COLGALT1: variants seen among roughly 807,000 people sequenced by gnomAD.
COLGALT1 encodes collagen beta(1-O)galactosyltransferase 1.
In COLGALT1, 43 loss-of-function variants were observed where a neutral mutation model predicts 60.8. The ratio of observed to expected loss-of-function variants is 0.71; its 90% CI spans 0.55 to 0.91. The LOEUF (loss-of-function observed/expected upper bound fraction) is 0.91, where lower values mean the gene tolerates loss of function less well. Among genes scored for constraint, COLGALT1 ranks in the 40% least tolerant of loss-of-function variants. The pLI is 0.00. For synonymous variants in COLGALT1, 369 were observed against 374.2 expected (o/e 0.99, Z 0.16); for missense variants, 845 against 880.0 (o/e 0.96, Z 0.50).
intron 9 of COLGALT1, among the ~76,000 whole-genome samples, chr19:17,578,933 C>G (rs4808670): frequency 0.48 from 72,270 of 151,872 alleles, 18,383 homozygotes; most frequent in Middle Eastern, 0.59. Flanking sequence ...TCACTTGAAC[C>G]CAGGAGGCAG....
At chr19:17,571,700 A>G (rs2076313555) in intron 5 of COLGALT1, among the ~76,000 whole-genome samples, 1 of 152,040 alleles carries the variant, frequency 6.6e-6, no homozygotes, top group Non-Finnish European at 1.5e-5. Context: ...CCTGGGCGAC[A>G]GAACGAGACT....
chr19:17,577,475 C>T lies in COLGALT1; in HGVS notation c.1133+8C>T, dbSNP rs557992834. 32 of 180,984 alleles carry T rather than the reference C, an allele frequency of 1.8e-4. No homozygotes were observed. In the South Asian group the frequency reaches 5.1e-3, roughly 29 times the overall value. 11.2% of individuals were successfully genotyped at this position (180,984 alleles called of 1,614,324 possible). A position where few individuals can be genotyped will look rare whatever the true frequency, so the allele number is the denominator to read the frequency against. On this transcript the variant is annotated splice_region_variant and intron_variant, in intron 8 of 11. Transcript: ENST00000252599. ...GGAGGCCGTGGACGGCAAGTGAGTCCGAGGCCTGGGGGTGGGGGGGCGGGT... is the reference window on the plus strand; with the variant it reads ...GGAGGCCGTGGACGGCAAGTGAGTCTGAGGCCTGGGGGTGGGGGGGCGGGT...
chr19:17,568,741 A>AG, intron 5 of COLGALT1, 28 bp downstream of exon 5: 1 of 1,610,178 alleles, frequency 6.2e-7, no homozygotes, highest in Non-Finnish European at 8.5e-7. Flanking sequence ...CTGCCATCGC[A>AG]GGGGCATCTG....
chr19:17,560,799 A>T (rs4808088), intron 3 of COLGALT1, among the ~76,000 whole-genome samples: 2 of 151,576 alleles, frequency 1.3e-5, no homozygotes, highest in African/African-American at 4.8e-5. Context: ...GTGCCGCAAT[A>T]TCGGCTCACT....
intron 1 of COLGALT1, among the ~76,000 whole-genome samples, chr19:17,557,382 A>G (rs1205129527): frequency 6.6e-6 from 1 of 151,858 alleles, no homozygotes; most frequent in Non-Finnish European, 1.5e-5. Context: ...GCTCATTGCA[A>G]CCTCCGCCTC....
Position 17,581,405 on chromosome 19 carries a change from C to G in COLGALT1, c.1830C>G (p.Leu610=), listed in dbSNP as rs750701394. The change falls in exon 12 of 12, where the codon CTC becomes CTG. Residue 610 remains leucine, a synonymous_variant. Coordinates refer to ENST00000252599, the MANE Select transcript of COLGALT1 (RefSeq NM_024656.4). ...GTGAGGCCAAGAACTCGGACGTGCT[C>G]CAGTCCCCACTGGACAGTGCTGCCC... ...LSREAKNSDV[L]QSPLDSAARD... is the part of the protein sequence containing the mutation. The G allele has an allele frequency of 1.9e-6, 3 of 1,611,632 alleles. No individual in the cohort carries two copies. The highest frequency in any genetic ancestry group is 1.6e-4 in the Middle Eastern group (1 of 6,062).
chr19:17,561,061 C>T lies in COLGALT1; in HGVS notation c.489+596C>T, dbSNP rs191105883. 3.7e-3 allele frequency among the ~76,000 whole-genome samples: 555 copies of T among 150,634 alleles called. 2 individuals carry two copies. Among genetic ancestry groups the T allele is most frequent in the Middle Eastern group, 0.01 (3 of 292 alleles). ...CTCTACTAAAAATACAAAAATTAGC[C>T]GGGCGTGGTGGCAGGTGCCTGTAAT... On this transcript the variant is annotated intron_variant, in intron 3 of 11. Coordinates refer to ENST00000252599, the MANE Select transcript of COLGALT1 (RefSeq NM_024656.4).
chr19:17,568,696 TCTC>T lies in COLGALT1; in HGVS notation c.815_817del (p.Ser272del). ...TTTGACGACATCATCGTCTTTGCCT[TCTC>T]CTGCAAGCAGGCAGGTACGTACATG... is the stretch of plus-strand genomic sequence containing the variant. On this transcript the variant is annotated inframe_deletion, in exon 5 of 12. Transcript: ENST00000252599. 1.2e-6 allele frequency: 2 copies of T among 1,614,108 alleles called. No individual in the cohort carries two copies. The highest frequency in any genetic ancestry group is 1.7e-6 in the Non-Finnish European group (2 of 1,180,004).
intron 11 of COLGALT1, 106 bp from the exon 12 acceptor site, chr19:17,581,071 T>TAA (rs927639392): frequency 1.4e-6 from 2 of 1,426,476 alleles, no homozygotes; most frequent in African/African-American, 2.9e-5. Context: ...CCTGCACACT[T>TAA]ACGTTTTAAT....
chr19:17,559,402 C>G lies in COLGALT1; in HGVS notation c.352C>G (p.Arg118Gly). 2 of 1,551,692 alleles carry G rather than the reference C, an allele frequency of 1.3e-6. No homozygotes were observed. Among genetic ancestry groups the G allele is most frequent in the Non-Finnish European group, 1.7e-6 (2 of 1,146,946 alleles). Reference sequence around the variant, plus strand: ...GAGTTTGTACCATTCCGTGGAGTGGCGGCCAGCAGAGGAGCCCAGGTGAGC... The same window carrying G: ...GAGTTTGTACCATTCCGTGGAGTGGGGGCCAGCAGAGGAGCCCAGGTGAGC... ...VKSLYHSVEWRPAEEPRSYPD... is the reference protein window; with the variant it reads ...VKSLYHSVEWGPAEEPRSYPD... Residue 118 changes from arginine (R) to glycine (G), a missense_variant, in exon 2 of 12, where the codon CGG (arginine) becomes GGG (glycine). Coordinates refer to ENST00000252599, the MANE Select transcript of COLGALT1 (RefSeq NM_024656.4).
At position 17,582,421 on chromosome 19, in the gene COLGALT1, G is replaced by C. The variant is rs994876286; in HGVS notation, c.*977G>C. The C allele has an allele frequency of 1.3e-5, 2 of 152,122 alleles. No homozygotes were observed. The highest frequency in any genetic ancestry group is 4.8e-5 in the African/African-American group (2 of 41,422). 9.4% of individuals were successfully genotyped at this position (152,122 alleles called of 1,614,324 possible). A position where few individuals can be genotyped will look rare whatever the true frequency, so the allele number is the denominator to read the frequency against. On this transcript the variant is annotated 3_prime_UTR_variant, in exon 12 of 12. Coordinates refer to ENST00000252599, the MANE Select transcript of COLGALT1 (RefSeq NM_024656.4). Reference sequence around the variant, plus strand: ...TTACTTTTTTCTTTTTTTCCTCACTGCTAGACGGTGTGGGAACTTCTCACT... The same window carrying C: ...TTACTTTTTTCTTTTTTTCCTCACTCCTAGACGGTGTGGGAACTTCTCACT...
At position 17,559,537 on chromosome 19, in the gene COLGALT1, AG is replaced by A. The variant is rs1177650493; in HGVS notation, c.371+117del. The A allele has an allele frequency of 3.9e-6, 3 of 772,682 alleles. No individual in the cohort carries two copies. In the African/African-American group the frequency reaches 5.2e-5, roughly 13 times the overall value. The allele number at this position is 772,682 out of a possible 1,614,324, so 47.9% of individuals were successfully genotyped here. A position where few individuals can be genotyped will look rare whatever the true frequency, so the allele number is the denominator to read the frequency against. ...GGCCCTCAGTCCCTGCCTCCAGCCC[AG>A]CCAGGCAGCATTAAGCTACTCTGAG... On this transcript the variant is annotated intron_variant, in intron 2 of 11. Coordinates refer to ENST00000252599, the MANE Select transcript of COLGALT1 (RefSeq NM_024656.4).
intron 3 of COLGALT1, chr19:17,565,902 C>T (rs2076277160): frequency 6.6e-6 from 1 of 152,186 alleles, no homozygotes; most frequent in African/African-American, 2.4e-5. Flanking sequence ...TCCTAAGACC[C>T]AGCCACCTCC....
intron 3 of COLGALT1, among the ~76,000 whole-genome samples, chr19:17,563,446 T>C (rs1375955231): frequency 1.3e-5 from 2 of 151,604 alleles, no homozygotes; most frequent in Non-Finnish European, 2.9e-5. Context: ...GCCTCCCAGG[T>C]TCATGCCATT....
chr19:17,573,836 G>T (rs2076325990), intron 6 of COLGALT1, among the ~76,000 whole-genome samples: 1 of 151,412 alleles, frequency 6.6e-6, no homozygotes, highest in South Asian at 2.1e-4. Context: ...ACAAAAATTA[G>T]CCAGGCGTGA....
intron 6 of COLGALT1, among the ~76,000 whole-genome samples, chr19:17,575,040 G>A (rs1399862277): frequency 6.6e-6 from 1 of 151,838 alleles, no homozygotes; most frequent in Non-Finnish European, 1.5e-5. Flanking sequence ...GTTAATTTAG[G>A]TTTTTGGTTT....
chr19:17,579,901 G>T (rs572233441), intron 10 of COLGALT1: 3 of 404,044 alleles, frequency 7.4e-6, no homozygotes, highest in Admixed American at 3.5e-5. Context: ...CCTTGGAAGC[G>T]TAGCAGGAGG....
chr19:17,555,717 G>GCGGCGGCCCCACGCGCGGGC lies in COLGALT1; in HGVS notation c.12_31dup (p.Arg11ProfsTer105). 1 of 1,190,580 alleles carries GCGGCGGCCCCACGCGCGGGC rather than the reference G, an allele frequency of 8.4e-7. No homozygotes were observed. 73.8% of individuals were successfully genotyped at this position (1,190,580 alleles called of 1,614,324 possible). A position where few individuals can be genotyped will look rare whatever the true frequency, so the allele number is the denominator to read the frequency against. ...CTTAAAGGAGACGCGTGGCGCGATG[G>GCGGCGGCCCCACGCGCGGGC]CGGCGGCCCCACGCGCGGGCCGGCG... On this transcript the variant is annotated frameshift_variant, in exon 1 of 12. Coordinates refer to ENST00000252599, the MANE Select transcript of COLGALT1 (RefSeq NM_024656.4). LOFTEE classifies it high-confidence loss of function.
At chr19:17,557,234 C>CT (rs1428407014) in intron 1 of COLGALT1, among the ~76,000 whole-genome samples, 1 of 152,068 alleles carries the variant, frequency 6.6e-6, no homozygotes, top group Non-Finnish European at 1.5e-5. Context: ...CTGCAGCCCA[C>CT]TGAAGTGGTG....
Sources: gnomAD v4.1 joint callset for allele counts (sites outside exome capture counted in the v4.1 genomes callset) on GRCh38, gnomAD v4.1.1 for gene constraint, MANE v1.5 for transcripts, NCBI Gene and HGNC (gene_info 2026-07-23, HGNC 2026-07-21) for gene names.